The following GLRB variants were observed in gnomAD, a reference collection of about 807,000 sequenced individuals.
GLRB encodes the protein glycine receptor beta.
In GLRB, 33 loss-of-function variants were observed where a neutral mutation model predicts 54.2. The ratio of observed to expected loss-of-function variants is 0.61; its 90% CI spans 0.46 to 0.81. The LOEUF (loss-of-function observed/expected upper bound fraction) is 0.81. GLRB is among the 40% of genes least tolerant of loss of function. The pLI, the probability that GLRB is intolerant of heterozygous loss-of-function variation, is 0.00. For synonymous variants in GLRB, 209 were observed against 208.2 expected, an observed-to-expected ratio of 1.00 and a Z score of -0.03; for missense variants, 572 against 584.6, an observed-to-expected ratio of 0.98 and a Z score of 0.22.
chr4:157,139,976 G>A (rs1041701066), intron 7 of GLRB, among the ~76,000 whole-genome samples: 6 of 151,920 alleles, frequency 3.9e-5, no homozygotes, highest in Non-Finnish European at 8.8e-5. Context: ...ATATTAAGAG[G>A]TGGAGAGAAC....
At chr4:157,082,454 A>G (rs1160397437) in intron 2 of GLRB, among the ~76,000 whole-genome samples, 1 of 152,210 alleles carries the variant, frequency 6.6e-6, no homozygotes. Flanking sequence ...ATATACATAT[A>G]ATAAAAATTT....
chr4:157,093,465 G>A (rs891066100), intron 2 of GLRB, among the ~76,000 whole-genome samples: 1 of 152,096 alleles, frequency 6.6e-6, no homozygotes, highest in Non-Finnish European at 1.5e-5. Flanking sequence ...TTCTGGCCAG[G>A]CGCAGTGACT....
At chr4:157,131,759 T>C (rs1190913465) in intron 4 of GLRB, among the ~76,000 whole-genome samples, 1 of 151,812 alleles carries the variant, frequency 6.6e-6, no homozygotes, top group Non-Finnish European at 1.5e-5. Context: ...GGCTTGATTG[T>C]TCAGTTCTTT....
At chr4:157,110,527 T>C (rs1377108550) in intron 2 of GLRB, among the ~76,000 whole-genome samples, 3 of 152,108 alleles carry the variant, frequency 2.0e-5, no homozygotes, top group African/African-American at 7.2e-5. Flanking sequence ...TCATACTTTG[T>C]GTATTGTTCT....
chr4:157,139,953 A>T (rs1736548978), intron 7 of GLRB, among the ~76,000 whole-genome samples: 1 of 152,010 alleles, frequency 6.6e-6, no homozygotes, highest in Admixed American at 6.6e-5. Flanking sequence ...TATAATTTAA[A>T]ACATTCCTGT....
In GLRB at chr4:157,104,564, A is replaced by G. The variant is rs1433254823; in HGVS notation, c.123-15992A>G. On this transcript the variant is annotated intron_variant, in intron 2 of 9. Coordinates refer to ENST00000264428, the MANE Select transcript of GLRB (RefSeq NM_000824.5). ...CCTCTAGTTTTGGTATCAGAGCAAT[A>G]TTGGGCTCACAAAGACTTTGGAAGT... is the stretch of plus-strand genomic sequence containing the variant. Among the ~76,000 whole-genome samples the G allele has an allele frequency of 4.6e-5, 7 of 151,632 alleles. No individual in the cohort carries two copies. In the South Asian group the frequency reaches 8.3e-4, roughly 18 times the overall value.
At chr4:157,102,777 G>A (rs1409603682) in intron 2 of GLRB, among the ~76,000 whole-genome samples, 2 of 152,156 alleles carry the variant, frequency 1.3e-5, no homozygotes, top group Non-Finnish European at 2.9e-5. Context: ...ATGAAAGGAG[G>A]TTGTATGCAA....
intron 2 of GLRB, 73 bp downstream of exon 2, chr4:157,078,219 T>G (rs886841849): frequency 1.1e-5 from 18 of 1,597,276 alleles, no homozygotes; most frequent in Non-Finnish European, 1.5e-5. Context: ...AGGTGGTTTA[T>G]GAAGACACAC....
intron 2 of GLRB, among the ~76,000 whole-genome samples, chr4:157,088,152 T>C (rs774097020): frequency 6.6e-6 from 1 of 152,140 alleles, no homozygotes; most frequent in Non-Finnish European, 1.5e-5. Context: ...ACTCTTCGTA[T>C]AAGAAAACAA....
At position 157,170,467 on chromosome 4, in the gene GLRB, T is replaced by A; in HGVS notation, c.1233T>A (p.Ser411=). The stretch of plus-strand genomic sequence containing the variant: ...CCAGATGCAAAAAAGTTTGTACTTC[T>A]AAGTCTGATCTGAGATCTAATGACT... ...GETRCKKVCT[S]KSDLRSNDFS... Residue 411 remains serine (S), a synonymous_variant, in exon 10 of 10, where the codon TCT becomes TCA. Transcript: ENST00000264428. 6.2e-7 allele frequency: 1 copy of A among 1,609,030 alleles called. No individual in the cohort carries two copies. Among genetic ancestry groups the A allele is most frequent in the Admixed American group, 1.7e-5 (1 of 59,896 alleles).
chr4:157,153,079 T>A (rs1014049179), intron 9 of GLRB, 69 bp downstream of exon 9: 10 of 1,303,090 alleles, frequency 7.7e-6, no homozygotes, highest in Admixed American at 5.1e-5. Flanking sequence ...AGAGACACCT[T>A]TGTGTATGTG....
At chr4:157,135,218 C>T (rs972567125) in intron 4 of GLRB, among the ~76,000 whole-genome samples, 6 of 152,042 alleles carry the variant, frequency 3.9e-5, no homozygotes, top group African/African-American at 1.2e-4. Context: ...ATTTCTTATA[C>T]TGAACCTTAA....
At chr4:157,156,207 G>T (rs1434731314) in intron 9 of GLRB, among the ~76,000 whole-genome samples, 1 of 152,098 alleles carries the variant, frequency 6.6e-6, no homozygotes, top group Non-Finnish European at 1.5e-5. Flanking sequence ...TCATTTTCAT[G>T]ATATTGATTA....
intron 8 of GLRB, 67 bp downstream of exon 8, chr4:157,144,026 A>G (rs1280661501): frequency 1.4e-6 from 2 of 1,431,730 alleles, no homozygotes; most frequent in African/African-American, 2.8e-5. Flanking sequence ...TTACCATATA[A>G]TCAACTACTT....
At chr4:157,120,333 T>A (rs1254005008) in intron 2 of GLRB, among the ~76,000 whole-genome samples, 1 of 150,668 alleles carries the variant, frequency 6.6e-6, no homozygotes, top group African/African-American at 2.4e-5. Flanking sequence ...TGTATACATA[T>A]GTAACTAACC....
At chr4:157,163,624 T>G (rs2126627110) in intron 9 of GLRB, among the ~76,000 whole-genome samples, 1 of 152,260 alleles carries the variant, frequency 6.6e-6, no homozygotes, top group African/African-American at 2.4e-5. Flanking sequence ...CCTTTCTTTG[T>G]CTTCTGGCTA....
intron 6 of GLRB, among the ~76,000 whole-genome samples, chr4:157,137,305 A>C (rs1002308824): frequency 2.6e-5 from 4 of 152,166 alleles, no homozygotes; most frequent in African/African-American, 4.8e-5. Context: ...TATGAAAGTA[A>C]AGAAATGTAA....
intron 2 of GLRB, among the ~76,000 whole-genome samples, chr4:157,098,684 C>G (rs1440293660): frequency 6.6e-6 from 1 of 151,982 alleles, no homozygotes; most frequent in African/African-American, 2.4e-5. Context: ...CTCGGCTCAG[C>G]AACCTCCACC....
intron 2 of GLRB, among the ~76,000 whole-genome samples, chr4:157,099,487 T>C (rs975420151): frequency 6.6e-6 from 1 of 151,728 alleles, no homozygotes; most frequent in Non-Finnish European, 1.5e-5. Flanking sequence ...CAGGCATGTG[T>C]CACCACACCT....
Sources: allele counts gnomAD v4.1 joint callset (sites outside exome capture counted in the v4.1 genomes callset), GRCh38; gene constraint gnomAD v4.1.1; transcripts MANE v1.5; gene names NCBI Gene and HGNC (gene_info 2026-07-23, HGNC 2026-07-21).